HHAT: variants seen among roughly 807,000 people sequenced by gnomAD.
HHAT encodes hedgehog acyltransferase.
Under a neutral mutation model 70.8 loss-of-function variants are expected in HHAT, and 47 were observed. The ratio of observed to expected loss-of-function variants is 0.66; its 90% CI spans 0.53 to 0.85. The LOEUF (loss-of-function observed/expected upper bound fraction) is 0.85. Among genes scored for constraint, HHAT ranks in the 40% least tolerant of loss-of-function variants. HHAT has a pLI of 0.00. For missense variants in HHAT, 609 were observed against 604.8 expected (o/e 1.01, Z -0.07); for synonymous variants, 228 against 247.6 (o/e 0.92, Z 0.74).
At chr1:210,555,774 A>T (rs2095566511) in intron 9 of HHAT, among the ~76,000 whole-genome samples, 2 of 152,176 alleles carry the variant, frequency 1.3e-5, no homozygotes, top group African/African-American at 4.8e-5. Flanking sequence ...ACCCTCTTAG[A>T]AGCCTAGTGG....
chr1:210,558,131 T>C (rs2095589162), intron 9 of HHAT, among the ~76,000 whole-genome samples: 1 of 151,870 alleles, frequency 6.6e-6, no homozygotes, highest in African/African-American at 2.4e-5. Context: ...TGGCAGAGAG[T>C]TTTTCGTTAC....
chr1:210,404,723 C>T (rs201403095), intron 6 of HHAT, 44 bp downstream of exon 6: 1 of 1,513,954 alleles, frequency 6.6e-7, no homozygotes, highest in African/African-American at 1.4e-5. Context: ...TAGCTTAAGC[C>T]TTTGTCGCTG....
At chr1:210,664,181 AGAAG>A (rs1678400625) in intron 11 of HHAT, among the ~76,000 whole-genome samples, 6 of 152,220 alleles carry the variant, frequency 3.9e-5, no homozygotes, top group Non-Finnish European at 8.8e-5. Flanking sequence ...CTCTGATGGG[AGAAG>A]GCTCCTGCCT....
At chr1:210,537,741 G>C (rs1441461545) in intron 9 of HHAT, among the ~76,000 whole-genome samples, 3 of 152,214 alleles carry the variant, frequency 2.0e-5, no homozygotes, top group Non-Finnish European at 4.4e-5. Context: ...AGTTGGACTA[G>C]GACTGGCATC....
At chr1:210,414,964 A>G (rs935028920) in intron 6 of HHAT, among the ~76,000 whole-genome samples, 1 of 152,140 alleles carries the variant, frequency 6.6e-6, no homozygotes, top group Non-Finnish European at 1.5e-5. Flanking sequence ...GGTTGGGGTG[A>G]GCTGAGATTG....
At chr1:210,342,654 A>G (rs1450989280) in intron 1 of HHAT, among the ~76,000 whole-genome samples, 1 of 152,162 alleles carries the variant, frequency 6.6e-6, no homozygotes, top group East Asian at 1.9e-4. Context: ...ACTGCATGAA[A>G]ACAGAAAAGA....
At chr1:210,363,882 C>T (rs1013402130) in intron 3 of HHAT, among the ~76,000 whole-genome samples, 3 of 152,172 alleles carry the variant, frequency 2.0e-5, no homozygotes, top group African/African-American at 7.2e-5. Flanking sequence ...AGGTTCTGAA[C>T]ACTCTGCTTG....
At chr1:210,329,882 G>A (rs973661793) in intron 1 of HHAT, among the ~76,000 whole-genome samples, 1 of 152,182 alleles carries the variant, frequency 6.6e-6, no homozygotes, top group Admixed American at 6.5e-5. Flanking sequence ...GAGTAGCTGG[G>A]ATTACAGGCA....
intron 8 of HHAT, among the ~76,000 whole-genome samples, chr1:210,489,144 A>G (rs903387379): frequency 6.6e-6 from 1 of 152,208 alleles, no homozygotes; most frequent in Non-Finnish European, 1.5e-5. Context: ...CATTATTTTG[A>G]TATCATTCAT....
chr1:210,521,840 G>A (rs2095162976), intron 9 of HHAT, among the ~76,000 whole-genome samples: 1 of 152,194 alleles, frequency 6.6e-6, no homozygotes, highest in South Asian at 2.1e-4. Flanking sequence ...CAGAAGTTAA[G>A]GAGAGAGGTG....
chr1:210,422,619 G>A (rs956860433), intron 7 of HHAT, among the ~76,000 whole-genome samples: 4 of 152,254 alleles, frequency 2.6e-5, no homozygotes, highest in Non-Finnish European at 4.4e-5. Flanking sequence ...ATTCCATGGT[G>A]TAAAAATACC....
intron 7 of HHAT, among the ~76,000 whole-genome samples, chr1:210,446,282 G>A (rs757161496): frequency 6.6e-6 from 1 of 152,136 alleles, no homozygotes; most frequent in Non-Finnish European, 1.5e-5. Context: ...TTATATATAT[G>A]AGTTTTTAGA....
intron 11 of HHAT, among the ~76,000 whole-genome samples, chr1:210,639,200 T>C (rs1207874223): frequency 6.6e-6 from 1 of 152,186 alleles, no homozygotes; most frequent in Non-Finnish European, 1.5e-5. Context: ...TTTGGCCATT[T>C]ACCTTTCCTT....
chr1:210,394,229 CTTTTTTT>C (rs59554789), intron 4 of HHAT, among the ~76,000 whole-genome samples: 144 of 116,000 alleles, frequency 1.2e-3, no homozygotes, highest in Admixed American at 1.6e-3. Flanking sequence ...CATGATCTAT[CTTTTTTT>C]TTTTTTTTTT....
Position 210,602,225 on chromosome 1 carries a change from A to G in HHAT, c.1245+14126A>G, listed in dbSNP as rs76532378. On this transcript the variant is annotated intron_variant, in intron 10 of 11. Transcript: ENST00000261458. ...AAGCTGTGAGAGTTCATCCCTGCCC[A>G]CTAGGGGCTTATGATCCAGATGGAG... Among the ~76,000 whole-genome samples, 378 of 152,248 alleles carry G rather than the reference A, an allele frequency of 2.5e-3. 3 individuals carry two copies. The highest frequency in any genetic ancestry group is 8.2e-3 in the African/African-American group (341 of 41,552).
intron 11 of HHAT, among the ~76,000 whole-genome samples, chr1:210,629,349 G>A (rs75371750): frequency 0.11 from 16,806 of 152,230 alleles, 1,010 homozygotes; most frequent in South Asian, 0.17. Flanking sequence ...TTGTGTTAAA[G>A]CTGAAACAAA....
chr1:210,374,270 T>C (rs966920993), intron 3 of HHAT: 7 of 149,848 alleles, frequency 4.7e-5, no homozygotes, highest in South Asian at 4.2e-4. Flanking sequence ...ACCAGTGTAA[T>C]GCTACAAATT....
intron 10 of HHAT, among the ~76,000 whole-genome samples, chr1:210,599,773 C>T (rs1239246640): frequency 2.0e-5 from 3 of 152,158 alleles, no homozygotes; most frequent in South Asian, 2.1e-4. Context: ...TGATATTTCT[C>T]CATAAAAACC....
intron 3 of HHAT, among the ~76,000 whole-genome samples, chr1:210,363,143 A>G (rs968239642): frequency 3.3e-5 from 5 of 152,256 alleles, no homozygotes; most frequent in East Asian, 3.9e-4. Flanking sequence ...AATGTGACTA[A>G]CCTTATCAGT....
Sources: gnomAD v4.1 joint callset for allele counts (sites outside exome capture counted in the v4.1 genomes callset) on GRCh38, gnomAD v4.1.1 for gene constraint, MANE v1.5 for transcripts, NCBI Gene and HGNC (gene_info 2026-07-23, HGNC 2026-07-21) for gene names.